The following CHRNA3 variants were observed in gnomAD, a reference collection of about 807,000 sequenced individuals.
The protein encoded by CHRNA3 is cholinergic receptor nicotinic alpha 3 subunit.
A neutral mutation model predicts 41.9 loss-of-function variants in CHRNA3; 34 were observed. The ratio of observed to expected loss-of-function variants is 0.81; its 90% CI spans 0.62 to 1.08. CHRNA3 has a LOEUF of 1.08. CHRNA3 is among the 50% of genes least tolerant of loss of function. The probability of loss-of-function intolerance (pLI) is 0.00; values close to 1 mark genes in which losing one functional copy is unlikely to be tolerated. For missense variants in CHRNA3, 542 were observed against 638.3 expected (o/e 0.85, Z 1.63); for synonymous variants, 281 against 265.2 (o/e 1.06, Z -0.58).
At position 78,601,592 on chromosome 15, in the gene CHRNA3, G is replaced by A. The variant is rs775294784; in HGVS notation, c.1050C>T (p.Leu350=). Residue 350 remains leucine (L), a synonymous_variant, in exon 5 of 6, where the codon CTC becomes CTT. Coordinates refer to ENST00000326828, the MANE Select transcript of CHRNA3 (RefSeq NM_000743.5). ...GCCTGGTCATGAACATGACCCTGGG[G>A]AGCAGGTTCAAGAATACAGTCTTCA... ...SWVKTVFLNL[L]PRVMFMTRPT... The A allele has an allele frequency of 1.5e-5, 24 of 1,614,068 alleles. No individual in the cohort carries two copies. Among genetic ancestry groups the A allele is most frequent in the East Asian group, 1.3e-4 (6 of 44,892 alleles).
chr15:78,598,130 C>T (rs2053141163), intron 5 of CHRNA3, among the ~76,000 whole-genome samples: 1 of 152,154 alleles, frequency 6.6e-6, no homozygotes, highest in South Asian at 2.1e-4. Context: ...AGAATCCCAG[C>T]TCTGCTCCTT....
chr15:78,613,371 C>A (rs941917298), intron 4 of CHRNA3, among the ~76,000 whole-genome samples: 103 of 152,194 alleles, frequency 6.8e-4, no homozygotes, highest in Admixed American at 1.0e-3. Flanking sequence ...ACATATACAC[C>A]ATGGAATACT....
intron 4 of CHRNA3, among the ~76,000 whole-genome samples, chr15:78,604,651 G>A (rs548434102): frequency 1.1e-4 from 16 of 152,134 alleles, no homozygotes; most frequent in Non-Finnish European, 2.1e-4. Flanking sequence ...CTGGAGACTG[G>A]GGTCTGGCAC....
intron 4 of CHRNA3, among the ~76,000 whole-genome samples, chr15:78,613,113 CTG>C (rs2053405732): frequency 1.3e-5 from 2 of 152,210 alleles, no homozygotes; most frequent in South Asian, 4.1e-4. Context: ...CACTTTTACA[CTG>C]TTGGTGGGAG....
In CHRNA3 at chr15:78,618,845, C is replaced by A; in HGVS notation, c.153G>T (p.Arg51=). 6.2e-7 allele frequency: 1 copy of A among 1,614,108 alleles called. No individual in the cohort carries two copies. The highest frequency in any genetic ancestry group is 8.5e-7 in the Non-Finnish European group (1 of 1,180,024). Residue 51 remains arginine (R), a synonymous_variant, in exon 2 of 6, where the codon CGG becomes CGT. Coordinates refer to ENST00000326828, the MANE Select transcript of CHRNA3 (RefSeq NM_000743.5). ...RLFEDYNEII[R]PVANVSDPVI... is the part of the protein sequence containing the mutation. Reference sequence around the variant, plus strand: ...CTGGGTCAGACACGTTGGCTACAGGCCGGATGATCTCATTGTAATCTTCAA... The same window carrying A: ...CTGGGTCAGACACGTTGGCTACAGGACGGATGATCTCATTGTAATCTTCAA...
At chr15:78,606,899 CAAAA>C (rs991300504) in intron 4 of CHRNA3, among the ~76,000 whole-genome samples, 3 of 151,504 alleles carry the variant, frequency 2.0e-5, no homozygotes, top group Non-Finnish European at 2.9e-5. Context: ...CAAAACAAAA[CAAAA>C]AACACACAAA....
downstream of CHRNA3, chr15:78,593,146 A>G (rs1038461611): frequency 6.2e-7 from 1 of 1,613,658 alleles, no homozygotes; most frequent in Non-Finnish European, 8.5e-7. Flanking sequence ...GTTTCTGTGG[A>G]CTTTTCTTTT....
chr15:78,598,819 A>G (rs938013772), intron 5 of CHRNA3, among the ~76,000 whole-genome samples: 5 of 149,016 alleles, frequency 3.4e-5, no homozygotes, highest in African/African-American at 1.2e-4. Context: ...TGCAGGCGTC[A>G]GCCACTGCAC....
chr15:78,618,529 C>T, intron 3 of CHRNA3, 88 bp downstream of exon 3: 1 of 1,486,662 alleles, frequency 6.7e-7, no homozygotes, highest in Non-Finnish European at 9.3e-7. Context: ...GTAAATGAAG[C>T]CTGGTCTTTA....
At chr15:78,620,388 G>GCAGCGCGGGGCAGGGCGACGGA in intron 1 of CHRNA3, 1 of 342,642 alleles carries the variant, frequency 2.9e-6, no homozygotes, top group Non-Finnish European at 5.2e-6. Context: ...AGGGCGACGG[G>GCAGCGCGGGGCAGGGCGACGGA]CAGCGCGGGG....
chr15:78,609,130 T>G (rs1405496968), intron 4 of CHRNA3, among the ~76,000 whole-genome samples: 1 of 151,992 alleles, frequency 6.6e-6, no homozygotes, highest in Non-Finnish European at 1.5e-5. Flanking sequence ...ACGGGGAGAA[T>G]GGAACCAAGT....
chr15:78,600,949 C>A (rs1191185172), intron 5 of CHRNA3, among the ~76,000 whole-genome samples: 1 of 152,144 alleles, frequency 6.6e-6, no homozygotes, highest in African/African-American at 2.4e-5. Context: ...CCTTTTCCAG[C>A]CTACATCCTA....
At chr15:78,608,784 A>G (rs1421717540) in intron 4 of CHRNA3, among the ~76,000 whole-genome samples, 2 of 152,162 alleles carry the variant, frequency 1.3e-5, no homozygotes, top group Admixed American at 1.3e-4. Flanking sequence ...AAATACTCCA[A>G]GCTACAGGAG....
intron 5 of CHRNA3, among the ~76,000 whole-genome samples, chr15:78,598,227 CCTCAGA>C (rs1214140195): frequency 6.6e-6 from 1 of 152,100 alleles, no homozygotes; most frequent in East Asian, 1.9e-4. Flanking sequence ...ACAGTACTTC[CCTCAGA>C]AGCTTGTTTC....
chr15:78,617,575 C>T (rs1241670991), intron 3 of CHRNA3, among the ~76,000 whole-genome samples: 4 of 152,126 alleles, frequency 2.6e-5, no homozygotes, highest in Non-Finnish European at 5.9e-5. Flanking sequence ...TGAAAGATTC[C>T]GGGGGAAGAA....
At chr15:78,609,625 T>C (rs1376020610) in intron 4 of CHRNA3, among the ~76,000 whole-genome samples, 1 of 152,232 alleles carries the variant, frequency 6.6e-6, no homozygotes, top group East Asian at 1.9e-4. Flanking sequence ...TGCAAAAACA[T>C]GCCAAAATGT....
intron 4 of CHRNA3, among the ~76,000 whole-genome samples, chr15:78,605,355 C>T (rs1567080803): frequency 6.6e-6 from 1 of 152,120 alleles, no homozygotes; most frequent in Admixed American, 6.5e-5. Context: ...TGAGAGTGTG[C>T]GGTCAGACCA....
In CHRNA3 at chr15:78,601,247, C is replaced by T. The variant is rs772013268; in HGVS notation, c.1389+6G>A. ...ATGACCAATGTAATAAAAGCCATAT[C>T]CTTACCTCTTTGGCTTCATTTTGTG... On this transcript the variant is annotated splice_donor_region_variant and intron_variant, in intron 5 of 5. Transcript: ENST00000326828. 1.2e-6 allele frequency: 2 copies of T among 1,611,260 alleles called. No homozygotes were observed. The highest frequency in any genetic ancestry group is 2.7e-5 in the African/African-American group (2 of 74,874).
intron 4 of CHRNA3, among the ~76,000 whole-genome samples, chr15:78,604,179 T>C (rs1305862396): frequency 6.6e-6 from 1 of 152,202 alleles, no homozygotes; most frequent in African/African-American, 2.4e-5. Context: ...TTGTTGTCCA[T>C]TATCTATAGC....
Sources: gnomAD v4.1 joint callset for allele counts (sites outside exome capture counted in the v4.1 genomes callset) on GRCh38, gnomAD v4.1.1 for gene constraint, MANE v1.5 for transcripts, NCBI Gene and HGNC (gene_info 2026-07-23, HGNC 2026-07-21) for gene names.